Variants in ABL1 observed in about 807,000 individuals in gnomAD.
The protein encoded by ABL1 is ABL proto-oncogene 1, non-receptor tyrosine kinase, also known as tyrosine-protein kinase ABL1.
ABL1 carries 11 observed loss-of-function variants against 94.7 expected under a neutral mutation model. The observed-to-expected ratio is 0.12, with a 90% CI of 0.07 to 0.19. The LOEUF is 0.19. ABL1 is among the 10% of genes least tolerant of loss of function. ABL1 has a pLI of 1.00. For synonymous variants in ABL1, 656 were observed against 622.4 expected (o/e 1.05, Z -0.80); for missense variants, 1,082 against 1,489.4 (o/e 0.73, Z 4.50).
intron 1 of ABL1, among the ~76,000 whole-genome samples, chr9:130,779,918 G>A (rs1216681456): frequency 6.6e-6 from 1 of 152,162 alleles, no homozygotes; most frequent in African/African-American, 2.4e-5. Flanking sequence ...TGTATTAATA[G>A]AGCCACTCTG....
intron 1 of ABL1, among the ~76,000 whole-genome samples, chr9:130,795,982 G>A (rs945414923): frequency 1.4e-5 from 2 of 148,134 alleles, no homozygotes; most frequent in African/African-American, 2.5e-5. Flanking sequence ...ACCTGAGGTC[G>A]GAGTTCGAGG....
chr9:130,878,397 C>T lies in ABL1; in HGVS notation c.1271-18C>T, dbSNP rs369297723. 26 of 1,613,376 alleles carry T rather than the reference C, an allele frequency of 1.6e-5. No individual in the cohort carries two copies. Among genetic ancestry groups the T allele is most frequent in the Admixed American group, 3.3e-5 (2 of 59,972 alleles). ...GCTACACATCTTGAACAGCCTTTCT[C>T]TTTCGGTTTTCTTTCAGCATTTGGA... On this transcript the variant is annotated intron_variant, in intron 7 of 10. Coordinates refer to ENST00000318560, the MANE Select transcript of ABL1 (RefSeq NM_005157.6).
At chr9:130,865,851 A>AC (rs950835197) in intron 4 of ABL1, among the ~76,000 whole-genome samples, 2 of 151,732 alleles carry the variant, frequency 1.3e-5, no homozygotes, top group African/African-American at 4.8e-5. Flanking sequence ...CCTGGCAGAG[A>AC]CCTCTGTGCT....
upstream of ABL1, among the ~76,000 whole-genome samples, chr9:130,830,935 T>A (rs1267509220): frequency 6.6e-6 from 1 of 152,068 alleles, no homozygotes; most frequent in Non-Finnish European, 1.5e-5. Flanking sequence ...GCTACCCGAT[T>A]GAAAAAATGT....
At chr9:130,831,433 C>T (rs1286871508), upstream of ABL1, among the ~76,000 whole-genome samples, 4 of 152,278 alleles carry the variant, frequency 2.6e-5, no homozygotes, top group African/African-American at 9.6e-5. Flanking sequence ...AATTCAGTCT[C>T]TCTCCTCTAA....
chr9:130,736,889 T>G (rs1312144942), intron 1 of ABL1, among the ~76,000 whole-genome samples: 2 of 152,198 alleles, frequency 1.3e-5, no homozygotes, highest in African/African-American at 4.8e-5. Flanking sequence ...AATAGGAAAC[T>G]ATGTAGGGCC....
intron 1 of ABL1, among the ~76,000 whole-genome samples, chr9:130,800,281 C>A (rs1261402099): frequency 2.0e-5 from 3 of 151,934 alleles, no homozygotes; most frequent in Non-Finnish European, 4.4e-5. Context: ...TAATATCCAC[C>A]CATTTTTAAG....
intron 1 of ABL1, among the ~76,000 whole-genome samples, chr9:130,785,002 A>C (rs1304669704): frequency 6.6e-6 from 1 of 152,214 alleles, no homozygotes; most frequent in Non-Finnish European, 1.5e-5. Context: ...CCTGACGACC[A>C]GTCTACCCTC....
chr9:130,728,145 C>T (rs1215865216), intron 1 of ABL1, among the ~76,000 whole-genome samples: 2 of 150,528 alleles, frequency 1.3e-5, no homozygotes, highest in Non-Finnish European at 3.0e-5. Flanking sequence ...CTCACTGCAA[C>T]CTCCGTCTCC....
intron 1 of ABL1, among the ~76,000 whole-genome samples, chr9:130,777,143 A>C (rs1207564373): frequency 6.6e-6 from 1 of 152,152 alleles, no homozygotes; most frequent in Non-Finnish European, 1.5e-5. Context: ...AGTTTGGATT[A>C]TCTCCAGTTT....
chr9:130,840,073 A>C (rs548653832), intron 1 of ABL1, among the ~76,000 whole-genome samples: 1 of 152,328 alleles, frequency 6.6e-6, no homozygotes, highest in African/African-American at 2.4e-5. Context: ...ACAGAACAAG[A>C]GCCTAGCAGA....
At position 130,872,913 on chromosome 9, in the gene ABL1, G is replaced by A. The variant is rs2132997007; in HGVS notation, c.961G>A (p.Gly321Arg). The A allele has an allele frequency of 6.2e-7, 1 of 1,614,182 alleles. No homozygotes were observed. Among genetic ancestry groups the A allele is most frequent in the Non-Finnish European group, 8.5e-7 (1 of 1,180,024 alleles). ...FYIITEFMTY[G>R]NLLDYLRECN... ...TATCATCACTGAGTTCATGACCTACGGGAACCTCCTGGACTACCTGAGGGA... is the reference window on the plus strand; with the variant it reads ...TATCATCACTGAGTTCATGACCTACAGGAACCTCCTGGACTACCTGAGGGA... Residue 321 changes from glycine (G) to arginine (R), a missense_variant, in exon 6 of 11, where the codon GGG becomes AGG. Physicochemically the swap from Gly to Arg is moderately radical, Grantham distance 125 (BLOSUM62 -2). Coordinates refer to ENST00000318560, the MANE Select transcript of ABL1 (RefSeq NM_005157.6). This position sits in a 1 kb window ranked among gnomAD's most constrained non-coding sequence, Gnocchi z 5.0.
chr9:130,722,379 C>T lies in ABL1; in HGVS notation c.136+7924C>T, dbSNP rs111482833. 2.0e-3 allele frequency among the ~76,000 whole-genome samples: 283 copies of T among 144,782 alleles called. 2 individuals carry two copies. Among genetic ancestry groups the T allele is most frequent in the African/African-American group, 7.2e-3 (268 of 37,464 alleles). 95.0% of individuals were successfully genotyped at this position (144,782 alleles called of 152,430 possible). On this transcript the variant is annotated intron_variant, in intron 1 of 10. Transcript: ENST00000372348. ...CTGCACTCCAGCCTGGGCAACAGAG[C>T]GAGACTCCATCTCAAAAAAAAATAA...
upstream of ABL1, among the ~76,000 whole-genome samples, chr9:130,832,871 G>A (rs116778389): frequency 6.0e-3 from 921 of 152,278 alleles, 8 homozygotes; most frequent in African/African-American, 0.021. Context: ...GTCAAAAGCT[G>A]GATATGGAAA....
At position 130,811,867 on chromosome 9, in the gene ABL1, G is replaced by A. The variant is rs188526891; in HGVS notation, c.137-42197G>A. On this transcript the variant is annotated intron_variant, in intron 1 of 10. Transcript: ENST00000372348. ...GCAGAGGTTGCAGTGAGCGGAGATA[G>A]TGCTACTGCACTGTAGTCTGAGCGA... Among the ~76,000 whole-genome samples the A allele has an allele frequency of 4.4e-3, 587 of 132,784 alleles. 2 individuals carry two copies. Among genetic ancestry groups the A allele is most frequent in the Middle Eastern group, 0.016 (4 of 246 alleles). The allele number at this position is 132,784 out of a possible 152,430, so 87.1% of individuals were successfully genotyped here.
intron 1 of ABL1, among the ~76,000 whole-genome samples, chr9:130,763,781 G>A (rs185902976): frequency 6.6e-6 from 1 of 152,300 alleles, no homozygotes; most frequent in African/African-American, 2.4e-5. Context: ...ATGCTACCCT[G>A]CTGTTCTGCA....
At chr9:130,850,380 G>A (rs6597642) in intron 1 of ABL1, among the ~76,000 whole-genome samples, 23,622 of 152,186 alleles carry the variant, frequency 0.16, 2,003 homozygotes, top group African/African-American at 0.21. Context: ...GTGGGAATGC[G>A]TAGTGAATGG....
At chr9:130,753,581 A>ATG (rs1831997391) in intron 1 of ABL1, among the ~76,000 whole-genome samples, 1 of 151,244 alleles carries the variant, frequency 6.6e-6, no homozygotes. Context: ...ATGTGCCACC[A>ATG]CAACCGGCCA....
chr9:130,884,346 C>G lies in ABL1; in HGVS notation c.2056C>G (p.Leu686Val). 3 of 1,612,214 alleles carry G rather than the reference C, an allele frequency of 1.9e-6. No homozygotes were observed. The highest frequency in any genetic ancestry group is 2.2e-5 in the South Asian group (2 of 91,070). Residue 686 changes from leucine (L) to valine (V), a missense_variant, in exon 11 of 11, where the codon CTG (leucine) becomes GTG (valine). Transcript: ENST00000318560. The surrounding 1 kb of genome is among the most constrained non-coding windows in gnomAD (Gnocchi z 5.6). ...GGGCTCAGGCTTCCGGTCTCCCCACCTGTGGAAGAAGTCCAGCACGCTGAC... is the reference window on the plus strand; with the variant it reads ...GGGCTCAGGCTTCCGGTCTCCCCACGTGTGGAAGAAGTCCAGCACGCTGAC... Reference protein sequence around the residue: ...SGGSGFRSPHLWKKSSTLTSS... With the variant: ...SGGSGFRSPHVWKKSSTLTSS...
Sources: gnomAD v4.1 joint callset for allele counts (sites outside exome capture counted in the v4.1 genomes callset) on GRCh38, gnomAD v4.1.1 for gene constraint, Gnocchi (gnomAD v3.1) non-coding constraint, MANE v1.5 for transcripts, NCBI Gene and HGNC (gene_info 2026-07-23, HGNC 2026-07-21) for gene names.